ABHD18: variants seen among roughly 807,000 people sequenced by gnomAD.
The protein encoded by ABHD18 is abhydrolase domain containing 18.
Under a neutral mutation model 65.9 loss-of-function variants are expected in ABHD18, and 55 were observed. The observed-to-expected ratio is 0.84, with a 90% CI of 0.67 to 1.05. ABHD18 has a LOEUF of 1.05. Ranked by LOEUF, ABHD18 falls within the 50% of genes least tolerant of loss-of-function variation. ABHD18 has a pLI of 0.00. For missense variants in ABHD18, 533 were observed against 558.5 expected, an observed-to-expected ratio of 0.95 and a Z score of 0.46; for synonymous variants, 181 against 180.2, an observed-to-expected ratio of 1.00 and a Z score of -0.04.
chr4:128,000,631 G>A (rs190272041), intron 4 of ABHD18, among the ~76,000 whole-genome samples: 177 of 152,102 alleles, frequency 1.2e-3, no homozygotes, highest in East Asian at 6.8e-3. Flanking sequence ...TTTTGGTTCC[G>A]TATATGAATT....
intron 10 of ABHD18, among the ~76,000 whole-genome samples, chr4:128,028,103 A>G (rs1175465232): frequency 6.6e-6 from 1 of 152,194 alleles, no homozygotes; most frequent in Non-Finnish European, 1.5e-5. Context: ...TATCTTCTCA[A>G]ACTGAAACTT....
At chr4:128,030,397 T>C in intron 11 of ABHD18, 113 bp from the exon 12 acceptor site, 1 of 709,384 alleles carries the variant, frequency 1.4e-6, no homozygotes, top group Non-Finnish European at 2.1e-6. Context: ...TTATAGTTGA[T>C]TTTTAATTTA....
intron 3 of ABHD18, among the ~76,000 whole-genome samples, chr4:127,985,403 T>G (rs1410124274): frequency 1.3e-5 from 2 of 152,140 alleles, no homozygotes; most frequent in African/African-American, 2.4e-5. Context: ...TCTTTTAGAT[T>G]TCTCTTTTCA....
At chr4:128,013,475 C>A (rs1754928733) in intron 7 of ABHD18, among the ~76,000 whole-genome samples, 1 of 152,054 alleles carries the variant, frequency 6.6e-6, no homozygotes, top group South Asian at 2.1e-4. Flanking sequence ...CTGAGGCGGG[C>A]AGATCACAAG....
At chr4:127,977,661 A>T (rs1233069523) in intron 1 of ABHD18, among the ~76,000 whole-genome samples, 1 of 152,218 alleles carries the variant, frequency 6.6e-6, no homozygotes, top group African/African-American at 2.4e-5. Flanking sequence ...GGCATAGTAT[A>T]GTAGAAAGAT....
At chr4:128,016,005 T>G (rs1305158035) in intron 7 of ABHD18, among the ~76,000 whole-genome samples, 1 of 146,526 alleles carries the variant, frequency 6.8e-6, no homozygotes, top group Non-Finnish European at 1.5e-5. Context: ...CAGGCTGGAG[T>G]GCAGTGGCGC....
At chr4:128,008,494 C>T (rs1016782992) in intron 4 of ABHD18, among the ~76,000 whole-genome samples, 47 of 151,722 alleles carry the variant, frequency 3.1e-4, no homozygotes, top group Admixed American at 2.4e-3. Flanking sequence ...AGGCTGGTCT[C>T]GAACTCTCAA....
At chr4:127,967,367 G>A (rs1197808841) in intron 1 of ABHD18, among the ~76,000 whole-genome samples, 1 of 152,116 alleles carries the variant, frequency 6.6e-6, no homozygotes, top group African/African-American at 2.4e-5. Flanking sequence ...CAGGACTCCT[G>A]ATCCTAAGCC....
intron 2 of ABHD18, among the ~76,000 whole-genome samples, chr4:127,983,902 G>C (rs1252236821): frequency 1.3e-5 from 2 of 152,092 alleles, no homozygotes; most frequent in Admixed American, 1.3e-4. Context: ...AGCCAGGTGT[G>C]GTGGCACATG....
intron 7 of ABHD18, among the ~76,000 whole-genome samples, chr4:128,015,432 T>G (rs1253316353): frequency 6.6e-6 from 1 of 152,138 alleles, no homozygotes; most frequent in African/African-American, 2.4e-5. Context: ...AAAAGAGCAA[T>G]CTGGGGGACC....
At chr4:127,965,663 G>C (rs1259990013) in intron 1 of ABHD18, 57 bp downstream of exon 1, 1 of 183,310 alleles carries the variant, frequency 5.5e-6, no homozygotes, top group Non-Finnish European at 1.2e-5. Context: ...GCGCCTCTTA[G>C]CGCGCCGTGT....
At chr4:128,003,728 A>G (rs1753082936) in intron 4 of ABHD18, among the ~76,000 whole-genome samples, 1 of 152,034 alleles carries the variant, frequency 6.6e-6, no homozygotes, top group African/African-American at 2.4e-5. Context: ...ATTGAGGTAC[A>G]TTTTACATAT....
intron 10 of ABHD18, among the ~76,000 whole-genome samples, chr4:128,022,397 T>C (rs1372328693): frequency 6.6e-6 from 1 of 152,230 alleles, no homozygotes; most frequent in Non-Finnish European, 1.5e-5. Context: ...TTCAGCATAT[T>C]GCTCTACGTT....
intron 4 of ABHD18, among the ~76,000 whole-genome samples, chr4:127,995,855 G>GA (rs777963878): frequency 2.4e-4 from 37 of 151,788 alleles, no homozygotes; most frequent in South Asian, 2.1e-4. Flanking sequence ...TTCTAAAAAG[G>GA]AAAAAAAATT....
chr4:127,979,958 GTGA>G (rs1479563019), intron 1 of ABHD18, among the ~76,000 whole-genome samples: 1 of 149,126 alleles, frequency 6.7e-6, no homozygotes, highest in Middle Eastern at 3.2e-3. Context: ...ACACAAAGAA[GTGA>G]TGAAGAGAAG....
At position 128,028,582 on chromosome 4, in the gene ABHD18, A is replaced by C; in HGVS notation, c.909A>C (p.Ser303=). 5 of 1,613,810 alleles carry C rather than the reference A, an allele frequency of 3.1e-6. No individual in the cohort carries two copies. The highest frequency in any genetic ancestry group is 3.4e-6 in the Non-Finnish European group (4 of 1,179,812). ...LVSRTLNLDI[S]NQVVSQKPAD... ...CCAGAACTTTAAATTTAGATATATC[A>C]AACCAAGTTGTATCCCAAAAACCTG... The change falls in exon 11 of 13, where the codon TCA becomes TCC. Residue 303 remains serine, a synonymous_variant. Transcript: ENST00000645843.
At chr4:128,018,235 G>A (rs550115189) in intron 8 of ABHD18, among the ~76,000 whole-genome samples, 64 of 152,248 alleles carry the variant, frequency 4.2e-4, no homozygotes, top group South Asian at 1.9e-3. Flanking sequence ...TCTCCATGAA[G>A]CATTTGAGAT....
rs1198105170 is a variant in ABHD18 at position 128,035,800 on chromosome 4, A to C, written c.1382A>C (p.Lys461Thr). ...IYDAFDRFLH[K>T]YAN ...GATGCATTTGACCGCTTCCTCCATAAATACGCTAACTAGTTGGATTATTAT... is the reference window on the plus strand; with the variant it reads ...GATGCATTTGACCGCTTCCTCCATACATACGCTAACTAGTTGGATTATTAT... Residue 461 changes from lysine to threonine, a missense_variant, in exon 13 of 13, where the codon AAA (lysine) becomes ACA (threonine). Physicochemically the swap from Lys to Thr is moderately conservative, Grantham distance 78. Coordinates refer to ENST00000645843, the MANE Select transcript of ABHD18 (RefSeq NM_001358451.3). 3.3e-6 allele frequency: 5 copies of C among 1,536,940 alleles called. No homozygotes were observed. In the East Asian group the frequency reaches 1.2e-4, roughly 38 times the overall value.
chr4:127,967,615 C>T (rs1388846797), intron 1 of ABHD18, among the ~76,000 whole-genome samples: 1 of 151,658 alleles, frequency 6.6e-6, no homozygotes, highest in Non-Finnish European at 1.5e-5. Context: ...CCATTGGTGC[C>T]TCCAAGTGAT....
Sources: allele counts gnomAD v4.1 joint callset (sites outside exome capture counted in the v4.1 genomes callset), GRCh38; gene constraint gnomAD v4.1.1; transcripts MANE v1.5; gene names NCBI Gene and HGNC (gene_info 2026-07-23, HGNC 2026-07-21).